The following NEK1 variants were observed in gnomAD, a reference collection of about 807,000 sequenced individuals.
NEK1 encodes NIMA related kinase 1, also known as serine/threonine-protein kinase Nek1.
In NEK1, 137 loss-of-function variants were observed where a neutral mutation model predicts 182.1. That is an observed-to-expected ratio of 0.75 (90% CI 0.65 to 0.87). The LOEUF (loss-of-function observed/expected upper bound fraction) is 0.87. Ranked by LOEUF, NEK1 falls within the 40% of genes least tolerant of loss-of-function variation. The probability of loss-of-function intolerance (pLI) is 0.00; values close to 1 mark genes in which losing one functional copy is unlikely to be tolerated. For synonymous variants in NEK1, 513 were observed against 492.2 expected (o/e 1.04, Z -0.56); for missense variants, 1,391 against 1,494.4 (o/e 0.93, Z 1.14).
intron 23 of NEK1, among the ~76,000 whole-genome samples, chr4:169,481,654 T>C (rs1380200015): frequency 6.6e-6 from 1 of 152,190 alleles, no homozygotes; most frequent in Non-Finnish European, 1.5e-5. Context: ...CAGCAAACCG[T>C]GCTGTTAACA....
At position 169,589,603 on chromosome 4, in the gene NEK1, T is replaced by A. The variant is rs1031746325; in HGVS notation, c.397-89A>T. 3 of 874,670 alleles carry A rather than the reference T, an allele frequency of 3.4e-6. No individual in the cohort carries two copies. The African/African-American group carries it at 5.2e-5, about 15-fold the overall frequency. The allele number at this position is 874,670 out of a possible 1,614,324, so 54.2% of individuals were successfully genotyped here. A position where few individuals can be genotyped will look rare whatever the true frequency, so the allele number is the denominator to read the frequency against. ...TTTTTCATAAAATTTAAAATCCAGT[T>A]AAAAAAATTGTGCTAGAGTAACTGG... On this transcript the variant is annotated intron_variant, in intron 6 of 35. Coordinates refer to ENST00000507142, the MANE Select transcript of NEK1 (RefSeq NM_001199397.3).
chr4:169,410,195 AT>A (rs61096140), intron 31 of NEK1, among the ~76,000 whole-genome samples: 21 of 150,366 alleles, frequency 1.4e-4, no homozygotes, highest in East Asian at 7.8e-4. Context: ...CATGTACAGT[AT>A]TTTTTTTTTC....
At position 169,609,610 on chromosome 4, in the gene NEK1, TATGTATATATATACACAC is replaced by T. The variant is rs543149638; in HGVS notation, c.-49+2392_-49+2409del. Reference sequence around the variant, plus strand: ...ACTCATATATGTGTATAAATATACATATGTATATATATACACACATGCACCCCTGGCTTGTATTAAATA... The same window carrying T: ...ACTCATATATGTGTATAAATATACATATGCACCCCTGGCTTGTATTAAATA... On this transcript the variant is annotated intron_variant, in intron 2 of 35. Coordinates refer to ENST00000507142, the MANE Select transcript of NEK1 (RefSeq NM_001199397.3). 7.1e-3 allele frequency among the ~76,000 whole-genome samples: 1,078 copies of T among 152,244 alleles called. 7 individuals carry two copies. Among genetic ancestry groups the T allele is most frequent in the African/African-American group, 0.025 (1,038 of 41,532 alleles).
chr4:169,495,799 A>G (rs139093066), intron 23 of NEK1, among the ~76,000 whole-genome samples: 14,722 of 152,148 alleles, frequency 0.097, 789 homozygotes, highest in East Asian at 0.17. Context: ...TGTTTTGGTT[A>G]CTGTAGCCTT....
At chr4:169,429,393 G>A (rs1354721515) in intron 29 of NEK1, among the ~76,000 whole-genome samples, 2 of 152,118 alleles carry the variant, frequency 1.3e-5, no homozygotes, top group Non-Finnish European at 2.9e-5. Context: ...ATTATAGGAT[G>A]TGCACATTTA....
At chr4:169,605,460 T>C (rs1771181462) in intron 2 of NEK1, among the ~76,000 whole-genome samples, 1 of 152,170 alleles carries the variant, frequency 6.6e-6, no homozygotes. Context: ...CAGTGTACAA[T>C]AAAGGAAGTA....
intron 27 of NEK1, among the ~76,000 whole-genome samples, chr4:169,446,247 C>A (rs1004502413): frequency 6.6e-6 from 1 of 151,530 alleles, no homozygotes; most frequent in Admixed American, 6.6e-5. Context: ...CAAAAGTTGG[C>A]GTTTTGAAAA....
intron 19 of NEK1, among the ~76,000 whole-genome samples, chr4:169,514,387 G>C (rs184780273): frequency 7.8e-4 from 119 of 152,278 alleles, no homozygotes; most frequent in African/African-American, 2.8e-3. Context: ...CTCAAAATGA[G>C]TTGATTAGTA....
chr4:169,462,857 C>A (rs1028197126), intron 27 of NEK1, among the ~76,000 whole-genome samples: 8 of 152,124 alleles, frequency 5.3e-5, no homozygotes, highest in Admixed American at 1.3e-4. Flanking sequence ...CTTCCCCAGT[C>A]CTAGAATTAA....
intron 2 of NEK1, among the ~76,000 whole-genome samples, chr4:169,603,383 T>C (rs1770805713): frequency 6.6e-6 from 1 of 152,204 alleles, no homozygotes; most frequent in African/African-American, 2.4e-5. Context: ...CAATAAAGGG[T>C]AGTAGTTAAA....
intron 27 of NEK1, among the ~76,000 whole-genome samples, chr4:169,461,821 T>A (rs1317252794): frequency 6.6e-6 from 1 of 152,182 alleles, no homozygotes; most frequent in East Asian, 1.9e-4. Flanking sequence ...TTCATTTTTG[T>A]CTGTCCTCTG....
chr4:169,395,559 A>C (rs535317315), intron 35 of NEK1, among the ~76,000 whole-genome samples: 2 of 152,336 alleles, frequency 1.3e-5, no homozygotes, highest in South Asian at 4.1e-4. Flanking sequence ...TAGTTGGATC[A>C]TTACTTTATA....
intron 35 of NEK1, among the ~76,000 whole-genome samples, chr4:169,398,548 T>C (rs566728695): frequency 6.6e-6 from 1 of 152,320 alleles, no homozygotes; most frequent in South Asian, 2.1e-4. Flanking sequence ...TTTTCTGCTT[T>C]GTGAGAAAGA....
At chr4:169,404,792 T>A (rs1353244008) in intron 32 of NEK1, among the ~76,000 whole-genome samples, 4 of 151,752 alleles carry the variant, frequency 2.6e-5, no homozygotes, top group Admixed American at 6.6e-5. Context: ...ATTTTTTTTT[T>A]AATTTTACTT....
intron 5 of NEK1, among the ~76,000 whole-genome samples, chr4:169,594,860 G>C (rs1769169216): frequency 6.6e-6 from 1 of 152,182 alleles, no homozygotes; most frequent in African/African-American, 2.4e-5. Flanking sequence ...AGATTTGTCA[G>C]TAACTTTGCT....
rs546777128 is a variant in NEK1 at position 169,482,265 on chromosome 4, C to G, written c.2008-2731G>C. ...ACCACTAAAGCTTTCTCCATATCAG[C>G]AAGAAGGCTGTTTTGCTTTCTTTCT... On this transcript the variant is annotated intron_variant, in intron 23 of 35. Coordinates refer to ENST00000507142, the MANE Select transcript of NEK1 (RefSeq NM_001199397.3). Among the ~76,000 whole-genome samples, 35 of 152,196 alleles carry G rather than the reference C, an allele frequency of 2.3e-4. No individual in the cohort carries two copies. In the South Asian group the frequency reaches 7.3e-3, roughly 32 times the overall value.
At chr4:169,580,936 G>T in intron 10 of NEK1, 34 bp from the exon 11 acceptor site, 1 of 1,182,976 alleles carries the variant, frequency 8.5e-7, no homozygotes, top group Non-Finnish European at 1.2e-6. Flanking sequence ...TAGAAAAGAT[G>T]TTACATTTTC....
intron 27 of NEK1, among the ~76,000 whole-genome samples, chr4:169,455,457 G>C (rs1313278136): frequency 6.6e-6 from 1 of 151,988 alleles, no homozygotes; most frequent in African/African-American, 2.4e-5. Flanking sequence ...AAAAAGGGCA[G>C]AAGTAACTAT....
chr4:169,413,171 ATT>A (rs5863996), intron 31 of NEK1, among the ~76,000 whole-genome samples: 129 of 144,462 alleles, frequency 8.9e-4, no homozygotes, highest in East Asian at 1.8e-3. Context: ...AGTACAGCTA[ATT>A]TTTTTTTTTT....
Sources: allele counts gnomAD v4.1 joint callset (sites outside exome capture counted in the v4.1 genomes callset), GRCh38; gene constraint gnomAD v4.1.1; transcripts MANE v1.5; gene names NCBI Gene and HGNC (gene_info 2026-07-23, HGNC 2026-07-21).